PADI1: variants seen among roughly 807,000 people sequenced by gnomAD.
PADI1 encodes the protein protein-arginine deiminase type-1.
A neutral mutation model predicts 74.8 loss-of-function variants in PADI1; 65 were observed. The ratio of observed to expected loss-of-function variants is 0.87; its 90% CI spans 0.71 to 1.07. The LOEUF is 1.07. PADI1 is among the 50% of genes least tolerant of loss of function. PADI1 has a pLI of 0.00. For synonymous variants in PADI1, 371 were observed against 336.2 expected, an observed-to-expected ratio of 1.10 and a Z score of -1.13; for missense variants, 943 against 854.0, an observed-to-expected ratio of 1.10 and a Z score of -1.30.
At position 17,205,264 on chromosome 1, in the gene PADI1, A is replaced by T; in HGVS notation, c.47A>T (p.His16Leu). Residue 16 changes from histidine (H) to leucine (L), a missense_variant, in exon 1 of 16, where the codon CAT becomes CTT. Physicochemically the swap from His to Leu is moderately conservative, Grantham distance 99. Transcript: ENST00000375471. ...VVQLSLKMPT[H>L]AVCVVGVEAH... ...CAGCTGTCCCTGAAGATGCCTACCC[A>T]TGCCGTGTGTGTGGTGGGAGTCGAG... 3 of 1,614,096 alleles carry T rather than the reference A, an allele frequency of 1.9e-6. No homozygotes were observed. The highest frequency in any genetic ancestry group is 2.5e-6 in the Non-Finnish European group (3 of 1,179,982).
chr1:17,225,588 C>T (rs1450879038), intron 4 of PADI1, among the ~76,000 whole-genome samples: 1 of 152,018 alleles, frequency 6.6e-6, no homozygotes, highest in Non-Finnish European at 1.5e-5. Context: ...CTGGGTAGAG[C>T]CATTGTGTAT....
At chr1:17,229,133 A>G in intron 8 of PADI1, 82 bp downstream of exon 8, 1 of 811,172 alleles carries the variant, frequency 1.2e-6, no homozygotes, top group South Asian at 1.6e-5. Context: ...TGCGCCCCTC[A>G]CTCACACCGA....
chr1:17,239,546 C>T, intron 13 of PADI1, 158 bp from the exon 14 acceptor site: 1 of 599,740 alleles, frequency 1.7e-6, no homozygotes, highest in African/African-American at 1.9e-5. Context: ...ATGGCTTGGT[C>T]CCTTCAGGGG....
chr1:17,209,281 G>A (rs981005406), intron 1 of PADI1, among the ~76,000 whole-genome samples: 3 of 152,098 alleles, frequency 2.0e-5, no homozygotes, highest in Non-Finnish European at 4.4e-5. Flanking sequence ...TCTCTGCTCC[G>A]TCCTGTCACT....
chr1:17,220,821 G>A (rs960512480), intron 1 of PADI1, among the ~76,000 whole-genome samples: 2 of 152,214 alleles, frequency 1.3e-5, no homozygotes, highest in South Asian at 2.1e-4. Flanking sequence ...CATAGTTCAC[G>A]CTTATGCAGG....
chr1:17,220,130 G>A (rs570301187), intron 1 of PADI1, among the ~76,000 whole-genome samples: 41 of 148,500 alleles, frequency 2.8e-4, no homozygotes, highest in African/African-American at 9.7e-4. Flanking sequence ...AGGAGTGGGG[G>A]ATGGGGGAGG....
At chr1:17,222,884 C>A (rs1471887509) in intron 2 of PADI1, among the ~76,000 whole-genome samples, 1 of 152,212 alleles carries the variant, frequency 6.6e-6, no homozygotes, top group Non-Finnish European at 1.5e-5. Flanking sequence ...ATCTCCCACA[C>A]CTAAGCCAAC....
chr1:17,240,623 C>G lies in PADI1; in HGVS notation c.1633-12C>G, dbSNP rs1259378829. The G allele has an allele frequency of 6.2e-7, 1 of 1,613,514 alleles. No homozygotes were observed. Among genetic ancestry groups the G allele is most frequent in the Admixed American group, 1.7e-5 (1 of 60,012 alleles). On this transcript the variant is annotated splice_polypyrimidine_tract_variant and intron_variant, in intron 14 of 15. Transcript: ENST00000375471. ...TCCTAGTCCTGGGCTGCCCAGCTGCCTCCTTCCCCAGAAATGCATTGACTG... is the reference window on the plus strand; with the variant it reads ...TCCTAGTCCTGGGCTGCCCAGCTGCGTCCTTCCCCAGAAATGCATTGACTG...
At position 17,232,922 on chromosome 1, in the gene PADI1, G is replaced by A. The variant is rs755632413; in HGVS notation, c.1265G>A (p.Gly422Asp). Residue 422 changes from glycine to aspartate, a missense_variant, in exon 11 of 16, where the codon GGC (glycine) becomes GAC (aspartate). Coordinates refer to ENST00000375471, the MANE Select transcript of PADI1 (RefSeq NM_013358.3). Reference sequence around the variant, plus strand: ...GTCAGCCCGCCCGTCACGGTGGGCGGCACGGAATACCCCCTGGGCCGGATC... The same window carrying A: ...GTCAGCCCGCCCGTCACGGTGGGCGACACGGAATACCCCCTGGGCCGGATC... ...LDVSPPVTVGGTEYPLGRILI... is the reference protein window; with the variant it reads ...LDVSPPVTVGDTEYPLGRILI... 9.9e-6 allele frequency: 16 copies of A among 1,611,988 alleles called. No homozygotes were observed. In the South Asian group the frequency reaches 1.7e-4, roughly 17 times the overall value.
At chr1:17,229,972 T>A (rs1288225092) in intron 8 of PADI1, 113 bp from the exon 9 acceptor site, 7 of 971,690 alleles carry the variant, frequency 7.2e-6, no homozygotes, top group South Asian at 6.4e-5. Context: ...GGTCATGAAC[T>A]GGAACCCCTG....
At chr1:17,230,031 C>A in intron 8 of PADI1, 54 bp from the exon 9 acceptor site, 1 of 1,569,824 alleles carries the variant, frequency 6.4e-7, no homozygotes, top group East Asian at 2.2e-5. Flanking sequence ...GCCACTCACA[C>A]CTCAGCCACA....
At chr1:17,205,911 T>C (rs2071669804) in intron 1 of PADI1, among the ~76,000 whole-genome samples, 1 of 151,950 alleles carries the variant, frequency 6.6e-6, no homozygotes, top group African/African-American at 2.4e-5. Flanking sequence ...ACAGTGATGA[T>C]GGCGATGATG....
At chr1:17,228,522 A>C (rs1569812235) in intron 6 of PADI1, 103 bp from the exon 7 acceptor site, 1 of 1,222,510 alleles carries the variant, frequency 8.2e-7, no homozygotes, top group Non-Finnish European at 1.2e-6. Context: ...CCAGAGAGGA[A>C]CCCAAGCTGC....
chr1:17,235,982 C>G (rs1308746826), intron 11 of PADI1, among the ~76,000 whole-genome samples: 2 of 152,096 alleles, frequency 1.3e-5, no homozygotes, highest in African/African-American at 4.8e-5. Flanking sequence ...AGGAATGAGG[C>G]CTTTGGTGGA....
chr1:17,242,300 T>C (rs1044377135), intron 15 of PADI1, among the ~76,000 whole-genome samples: 1 of 152,232 alleles, frequency 6.6e-6, no homozygotes, highest in African/African-American at 2.4e-5. Context: ...TAGAACATTC[T>C]GTGCTGATGA....
At chr1:17,243,270 C>A (rs1480078450) in intron 15 of PADI1, among the ~76,000 whole-genome samples, 2 of 152,200 alleles carry the variant, frequency 1.3e-5, no homozygotes, top group Non-Finnish European at 2.9e-5. Flanking sequence ...AGGTCCGCAA[C>A]CAAGGGAAGG....
chr1:17,219,939 C>T (rs1466616934), intron 1 of PADI1, among the ~76,000 whole-genome samples: 5 of 151,946 alleles, frequency 3.3e-5, no homozygotes, highest in Admixed American at 6.6e-5. Flanking sequence ...CTGAGGATAT[C>T]GTGCAGATGA....
At chr1:17,214,200 G>A (rs6667138) in intron 1 of PADI1, among the ~76,000 whole-genome samples, 27,296 of 152,142 alleles carry the variant, frequency 0.18, 4,009 homozygotes, top group African/African-American at 0.41. Context: ...TCTTGGGATT[G>A]TGTCCATTTT....
At chr1:17,240,016 G>A (rs1437220493) in intron 14 of PADI1, 4 of 521,316 alleles carry the variant, frequency 7.7e-6, no homozygotes, top group Non-Finnish European at 1.4e-5. Flanking sequence ...CCGGCCCCAC[G>A]CTGGGGCAAT....
Sources: gnomAD v4.1 joint callset for allele counts (sites outside exome capture counted in the v4.1 genomes callset) on GRCh38, gnomAD v4.1.1 for gene constraint, MANE v1.5 for transcripts, NCBI Gene and HGNC (gene_info 2026-07-23, HGNC 2026-07-21) for gene names.